Variants in APP observed in about 807,000 individuals in gnomAD.
The protein encoded by APP is amyloid beta precursor protein.
APP carries 31 observed loss-of-function variants against 101.4 expected under a neutral mutation model. The ratio of observed to expected loss-of-function variants is 0.31; its 90% CI spans 0.23 to 0.41. The LOEUF (loss-of-function observed/expected upper bound fraction) is 0.41, where lower values mean the gene tolerates loss of function less well. Among genes scored for constraint, APP ranks in the 10% least tolerant of loss-of-function variants. The probability of loss-of-function intolerance (pLI) is 1.00; values close to 1 mark genes in which losing one functional copy is unlikely to be tolerated. For missense variants in APP, 839 were observed against 1,003.7 expected, an observed-to-expected ratio of 0.84 and a Z score of 2.22; for synonymous variants, 366 against 364.4, an observed-to-expected ratio of 1.00 and a Z score of -0.05.
chr21:26,053,587 C>T (rs934754730), intron 3 of APP: 53 of 403,402 alleles, frequency 1.3e-4, no homozygotes, highest in African/African-American at 9.7e-4. Context: ...GTGAAATTGT[C>T]CCTTAATTAA....
intron 3 of APP, among the ~76,000 whole-genome samples, chr21:26,059,437 TCCTTGTGCTATGGGCCCAGATCTG>T (rs2046177848): frequency 6.6e-6 from 1 of 152,186 alleles, no homozygotes; most frequent in Non-Finnish European, 1.5e-5. Context: ...AGCCTCGGTT[TCCTTGTGCTATGGGCCCAGATCTG>T]CCTTGTGAAG....
intron 2 of APP, among the ~76,000 whole-genome samples, chr21:26,103,410 A>C (rs889944128): frequency 2.6e-5 from 4 of 152,050 alleles, no homozygotes; most frequent in African/African-American, 9.7e-5. Context: ...AGACCAGCCT[A>C]GCCAACATGG....
chr21:26,018,948 A>G (rs2830007), intron 6 of APP, among the ~76,000 whole-genome samples: 138,926 of 152,222 alleles, frequency 0.91, 63,764 homozygotes, highest in Middle Eastern at 0.98. Flanking sequence ...ATCAAATAAT[A>G]CTACCTGCAA....
At chr21:25,925,027 A>G (rs2039824395) in intron 13 of APP, among the ~76,000 whole-genome samples, 1 of 152,198 alleles carries the variant, frequency 6.6e-6, no homozygotes, top group African/African-American at 2.4e-5. Context: ...AAATTTACTT[A>G]TGTGCCTGCC....
chr21:26,013,254 T>C (rs935655996), intron 6 of APP, among the ~76,000 whole-genome samples: 2 of 152,108 alleles, frequency 1.3e-5, no homozygotes, highest in Non-Finnish European at 2.9e-5. Context: ...GAGGCAGAGG[T>C]TGCAGTGAGC....
Position 25,891,857 on chromosome 21 carries a change from T to G in APP, c.2076A>C (p.Ala692=), listed in dbSNP as rs2037719594. ...EVHHQKLVFF[A]EDVGSNKGAI... is the part of the protein sequence containing the mutation. ...CACCTTTGTTTGAACCCACATCTTC[T>G]GCAAAGAACACCTTGAAAACAAATT... Residue 692 remains alanine (A), a synonymous_variant, in exon 17 of 18, where the codon GCA becomes GCC. Coordinates refer to ENST00000346798, the MANE Select transcript of APP (RefSeq NM_000484.4). 1 of 1,614,030 alleles carries G rather than the reference T, an allele frequency of 6.2e-7. No individual in the cohort carries two copies. Among genetic ancestry groups the G allele is most frequent in the Non-Finnish European group, 8.5e-7 (1 of 1,179,976 alleles).
chr21:25,966,636 A>G (rs1360337333), intron 11 of APP, among the ~76,000 whole-genome samples: 1 of 152,128 alleles, frequency 6.6e-6, no homozygotes. Flanking sequence ...GATGTCCCAT[A>G]TTTGCTTTGG....
chr21:25,951,599 T>C (rs775034136), intron 13 of APP, among the ~76,000 whole-genome samples: 10 of 152,168 alleles, frequency 6.6e-5, no homozygotes, highest in Non-Finnish European at 2.9e-5. Flanking sequence ...AATTTGATTA[T>C]ATACAGAAAT....
chr21:26,137,420 C>CCCAT (rs1391801583), intron 1 of APP, among the ~76,000 whole-genome samples: 4 of 152,230 alleles, frequency 2.6e-5, no homozygotes, highest in Admixed American at 2.6e-4. Context: ...TAAGTAAAAA[C>CCCAT]CCATACCCTT....
chr21:26,146,747 TG>T (rs763184574), intron 1 of APP, among the ~76,000 whole-genome samples: 8 of 152,246 alleles, frequency 5.3e-5, no homozygotes, highest in Non-Finnish European at 1.0e-4. Flanking sequence ...TTTTCAAAAA[TG>T]TTCATTTTTC....
intron 11 of APP, among the ~76,000 whole-genome samples, chr21:25,964,606 C>CTTTT (rs150904952): frequency 1.3e-4 from 16 of 122,520 alleles, no homozygotes; most frequent in Non-Finnish European, 1.7e-4. Context: ...TTTTTCTTTT[C>CTTTT]TTTTTTTTTT....
At chr21:26,171,127 AC>A (rs2063736733), upstream of APP, 1 of 151,862 alleles carries the variant, frequency 6.6e-6, no homozygotes, top group Admixed American at 6.6e-5. Context: ...GAATCATCCG[AC>A]CCCGCAGGCC....
chr21:26,030,282 G>A (rs1265097367), intron 5 of APP, among the ~76,000 whole-genome samples: 10 of 152,172 alleles, frequency 6.6e-5, no homozygotes, highest in African/African-American at 7.2e-5. Context: ...CCCTGGTGCC[G>A]GATAGGATGT....
At chr21:25,949,166 A>G (rs2040957191) in intron 13 of APP, among the ~76,000 whole-genome samples, 1 of 152,228 alleles carries the variant, frequency 6.6e-6, no homozygotes, top group South Asian at 2.1e-4. Flanking sequence ...GAATGAAAAA[A>G]ATATGAAATT....
intron 5 of APP, among the ~76,000 whole-genome samples, chr21:26,030,834 A>G (rs1490812713): frequency 1.3e-5 from 2 of 152,200 alleles, no homozygotes; most frequent in Non-Finnish European, 2.9e-5. Flanking sequence ...TGATCCATAT[A>G]TATTTTGGGT....
intron 4 of APP, among the ~76,000 whole-genome samples, chr21:26,052,202 C>T (rs576612239): frequency 7.9e-5 from 12 of 152,284 alleles, no homozygotes; most frequent in Admixed American, 5.9e-4. Flanking sequence ...GATTTCTCAA[C>T]CCCAGCACTA....
Position 25,881,466 on chromosome 21 carries a change from TA to T in APP, c.*203del. The T allele has an allele frequency of 1.6e-6, 1 of 642,746 alleles. No individual in the cohort carries two copies. Among genetic ancestry groups the T allele is most frequent in the Non-Finnish European group, 2.8e-6 (1 of 362,706 alleles). The allele number at this position is 642,746 out of a possible 1,614,324, so 39.8% of individuals were successfully genotyped here. A position where few individuals can be genotyped will look rare whatever the true frequency, so the allele number is the denominator to read the frequency against. On this transcript the variant is annotated 3_prime_UTR_variant, in exon 18 of 18. Transcript: ENST00000346798. ...ATAATGTAGTATAGAGACCAAAATG[TA>T]AAGAGAGATAGAATACATTACTGAT...
intron 17 of APP, among the ~76,000 whole-genome samples, chr21:25,887,862 C>T (rs1482844648): frequency 6.6e-6 from 1 of 152,176 alleles, no homozygotes; most frequent in African/African-American, 2.4e-5. Flanking sequence ...GATGTTTGCA[C>T]AGCGATCAAA....
chr21:26,032,805 A>AATATAT (rs10532653), intron 5 of APP, among the ~76,000 whole-genome samples: 79 of 124,462 alleles, frequency 6.3e-4, no homozygotes, highest in Admixed American at 3.6e-3. Flanking sequence ...AAAAAAAAAA[A>AATATAT]ATATATATAT....
Sources: gnomAD v4.1 joint callset for allele counts (sites outside exome capture counted in the v4.1 genomes callset) on GRCh38, gnomAD v4.1.1 for gene constraint, MANE v1.5 for transcripts, NCBI Gene and HGNC (gene_info 2026-07-23, HGNC 2026-07-21) for gene names.